VPS53: variants seen among roughly 807,000 people sequenced by gnomAD.
VPS53 encodes the protein VPS53 subunit of GARP complex, also known as vacuolar protein sorting-associated protein 53 homolog.
A neutral mutation model predicts 107.0 loss-of-function variants in VPS53; 70 were observed. The observed-to-expected ratio is 0.65, with a 90% CI of 0.54 to 0.80. The LOEUF (loss-of-function observed/expected upper bound fraction) is 0.80. VPS53 is among the 30% of genes least tolerant of loss of function. The probability of loss-of-function intolerance (pLI) is 0.00; values close to 1 mark genes in which losing one functional copy is unlikely to be tolerated. For synonymous variants in VPS53, 409 were observed against 393.3 expected, an observed-to-expected ratio of 1.04 and a Z score of -0.47; for missense variants, 917 against 1,049.4, an observed-to-expected ratio of 0.87 and a Z score of 1.74.
intron 13 of VPS53, among the ~76,000 whole-genome samples, chr17:577,803 C>T (rs1278436486): frequency 6.6e-6 from 1 of 151,182 alleles, no homozygotes; most frequent in Non-Finnish European, 1.5e-5. Flanking sequence ...GAGAAATTCC[C>T]TCAGAACCTA....
At chr17:534,690 G>C (rs1909882159) in intron 18 of VPS53, among the ~76,000 whole-genome samples, 1 of 152,210 alleles carries the variant, frequency 6.6e-6, no homozygotes, top group African/African-American at 2.4e-5. Flanking sequence ...GGCCCAGGCA[G>C]GTGGACTGCT....
chr17:604,933 A>G (rs1968494536), intron 11 of VPS53, among the ~76,000 whole-genome samples: 1 of 152,204 alleles, frequency 6.6e-6, no homozygotes, highest in Non-Finnish European at 1.5e-5. Flanking sequence ...CTCCGCCCTC[A>G]TGGAGATTAG....
At chr17:638,134 T>G (rs1381398675) in intron 7 of VPS53, among the ~76,000 whole-genome samples, 1 of 152,244 alleles carries the variant, frequency 6.6e-6, no homozygotes, top group Non-Finnish European at 1.5e-5. Context: ...GATAGTTAGC[T>G]CTTCTTGTTG....
At chr17:643,560 CAT>C (rs1970545040) in intron 7 of VPS53, among the ~76,000 whole-genome samples, 1 of 146,420 alleles carries the variant, frequency 6.8e-6, no homozygotes, top group Non-Finnish European at 1.5e-5. Context: ...GGACAACACT[CAT>C]ACTTGGAAAC....
At chr17:704,537 C>T (rs1338314345) in intron 2 of VPS53, among the ~76,000 whole-genome samples, 3 of 152,220 alleles carry the variant, frequency 2.0e-5, no homozygotes, top group Admixed American at 2.0e-4. Context: ...TATGCCACTA[C>T]TTTCTACTAC....
Position 668,040 on chromosome 17 carries a change from C to T in VPS53, c.286-6145G>A, listed in dbSNP as rs535418988. Among the ~76,000 whole-genome samples the T allele has an allele frequency of 1.8e-3, 268 of 152,214 alleles. 1 individual carries two copies. The highest frequency in any genetic ancestry group is 0.017 in the Middle Eastern group (5 of 294). Reference sequence around the variant, plus strand: ...AAAAACTGTCTTCCAAAAAACTGCTCGCTGGTGCCAAAAAGGTTGGGGACC... The same window carrying T: ...AAAAACTGTCTTCCAAAAAACTGCTTGCTGGTGCCAAAAAGGTTGGGGACC... On this transcript the variant is annotated intron_variant, in intron 4 of 21. Coordinates refer to ENST00000437048, the MANE Select transcript of VPS53 (RefSeq NM_001128159.3).
intron 17 of VPS53, among the ~76,000 whole-genome samples, chr17:541,624 G>C (rs567618937): frequency 7.6e-5 from 11 of 145,498 alleles, no homozygotes; most frequent in Non-Finnish European, 1.1e-4. Flanking sequence ...CACCGACTAC[G>C]CACTGAAGGA....
intron 7 of VPS53, chr17:632,631 C>A: frequency 2.3e-6 from 1 of 443,774 alleles, no homozygotes; most frequent in Non-Finnish European, 4.5e-6. Flanking sequence ...TATTTTTGTG[C>A]CCAGTAGCCA....
At chr17:558,404 C>T (rs937206138) in intron 15 of VPS53, among the ~76,000 whole-genome samples, 1 of 151,762 alleles carries the variant, frequency 6.6e-6, no homozygotes, top group Admixed American at 6.6e-5. Context: ...GAGGCCAAGA[C>T]GGGCAGATCA....
At chr17:585,036 G>A (rs1394738553) in intron 13 of VPS53, among the ~76,000 whole-genome samples, 1 of 152,204 alleles carries the variant, frequency 6.6e-6, no homozygotes, top group Admixed American at 6.5e-5. Context: ...AATCAATCAA[G>A]GGATGCGAAA....
At chr17:629,615 T>C (rs1292669165) in intron 8 of VPS53, among the ~76,000 whole-genome samples, 1 of 151,130 alleles carries the variant, frequency 6.6e-6, no homozygotes, top group African/African-American at 2.4e-5. Context: ...ACAAAAAAAT[T>C]AGCCAGGCGT....
Position 626,177 on chromosome 17 carries a change from C to A in VPS53, c.974+997G>T, listed in dbSNP as rs1262725461. Among the ~76,000 whole-genome samples, 4 of 151,916 alleles carry A rather than the reference C, an allele frequency of 2.6e-5. No individual in the cohort carries two copies. The East Asian group carries it at 7.7e-4, about 29-fold the overall frequency. On this transcript the variant is annotated intron_variant, in intron 10 of 21. Transcript: ENST00000437048. ...TGAGCCATGATCACACCACTGCACT[C>A]CAGTCTGGGTGACAAAGTGAGACCC...
intron 5 of VPS53, among the ~76,000 whole-genome samples, chr17:659,979 A>G (rs1321462158): frequency 6.6e-6 from 1 of 152,198 alleles, no homozygotes; most frequent in Non-Finnish European, 1.5e-5. Flanking sequence ...ACTCAGGTCA[A>G]ACCTACACGA....
intron 4 of VPS53, among the ~76,000 whole-genome samples, chr17:693,619 A>T (rs925706355): frequency 6.6e-6 from 1 of 152,182 alleles, no homozygotes; most frequent in Non-Finnish European, 1.5e-5. Context: ...CTGTAGTCCT[A>T]GCTACTTCGG....
Position 603,329 on chromosome 17 carries a change from C to T in VPS53, c.1117-1433G>A, listed in dbSNP as rs893164655. 7.9e-5 allele frequency among the ~76,000 whole-genome samples: 12 copies of T among 152,146 alleles called. No homozygotes were observed. In the South Asian group the frequency reaches 2.3e-3, roughly 29 times the overall value. On this transcript the variant is annotated intron_variant, in intron 11 of 21. Transcript: ENST00000437048. ...CCCAGCTACTTGGGAGGCTGAGGCA[C>T]AAGAATTGCTTGAATCCAGGAAGTG...
At chr17:536,235 T>C (rs1018127781) in intron 18 of VPS53, among the ~76,000 whole-genome samples, 3 of 152,098 alleles carry the variant, frequency 2.0e-5, no homozygotes, top group African/African-American at 7.2e-5. Flanking sequence ...CTCCCTGGCT[T>C]GTGCATCCCA....
intron 8 of VPS53, among the ~76,000 whole-genome samples, chr17:630,474 C>G (rs374704413): frequency 6.6e-6 from 1 of 152,148 alleles, no homozygotes; most frequent in African/African-American, 2.4e-5. Context: ...TTTCCAATAT[C>G]TACTCCCTCC....
chr17:630,977 G>A (rs535279968), intron 8 of VPS53, among the ~76,000 whole-genome samples: 5 of 152,150 alleles, frequency 3.3e-5, no homozygotes, highest in Non-Finnish European at 7.3e-5. Flanking sequence ...AAGCAGGATG[G>A]CAGCTTGTTA....
Position 683,318 on chromosome 17 carries a change from C to T in VPS53, c.285+14100G>A, listed in dbSNP as rs184442139. 9.5e-4 allele frequency among the ~76,000 whole-genome samples: 145 copies of T among 151,978 alleles called. 2 individuals are homozygous for T. Among genetic ancestry groups the T allele is most frequent in the African/African-American group, 3.4e-3 (142 of 41,460 alleles). On this transcript the variant is annotated intron_variant, in intron 4 of 21. Coordinates refer to ENST00000437048, the MANE Select transcript of VPS53 (RefSeq NM_001128159.3). ...AGATCCCAAGAGGAATAAGGGTTGA[C>T]TTCTCAGAAACAATGCAAGCTAGAA... is the stretch of plus-strand genomic sequence containing the variant.
Sources: gnomAD v4.1 joint callset for allele counts (sites outside exome capture counted in the v4.1 genomes callset) on GRCh38, gnomAD v4.1.1 for gene constraint, MANE v1.5 for transcripts, NCBI Gene and HGNC (gene_info 2026-07-23, HGNC 2026-07-21) for gene names.